The following MRPL37 variants were observed in gnomAD, a reference collection of about 807,000 sequenced individuals.
The protein encoded by MRPL37 is large ribosomal subunit protein mL37.
In MRPL37, 34 loss-of-function variants were observed where a neutral mutation model predicts 44.1. The ratio of observed to expected loss-of-function variants is 0.77; its 90% CI spans 0.59 to 1.03. The LOEUF (loss-of-function observed/expected upper bound fraction) is 1.03, where lower values mean the gene tolerates loss of function less well. Among genes scored for constraint, MRPL37 ranks in the 50% least tolerant of loss-of-function variants. The pLI, the probability that MRPL37 is intolerant of heterozygous loss-of-function variation, is 0.00. For synonymous variants in MRPL37, 212 were observed against 219.5 expected (o/e 0.97, Z 0.30); for missense variants, 532 against 543.7 (o/e 0.98, Z 0.21).
chr1:54,219,931 G>A (rs1406683159), downstream of MRPL37, among the ~76,000 whole-genome samples: 1 of 152,232 alleles, frequency 6.6e-6, no homozygotes, highest in African/African-American at 2.4e-5. Flanking sequence ...TCTGTTGATG[G>A]CAGTCCGGGT....
downstream of MRPL37, chr1:54,225,105 G>A: frequency 1.6e-6 from 2 of 1,234,294 alleles, no homozygotes; most frequent in Non-Finnish European, 2.0e-6. Flanking sequence ...GCACCAGGAG[G>A]AACCTTTTTC....
intron 4 of MRPL37, 28 bp downstream of exon 4, chr1:54,210,159 G>A: frequency 3.1e-6 from 5 of 1,602,756 alleles, no homozygotes; most frequent in Non-Finnish European, 4.3e-6. Context: ...GGACTTTTAG[G>A]CAGTGTGGAG....
intron 3 of MRPL37, among the ~76,000 whole-genome samples, chr1:54,207,780 A>C (rs1391681235): frequency 6.6e-6 from 1 of 152,234 alleles, no homozygotes; most frequent in Non-Finnish European, 1.5e-5. Context: ...GACAGATCAG[A>C]GTTTATCCAC....
At chr1:54,217,638 C>T (rs765022954) in intron 6 of MRPL37, among the ~76,000 whole-genome samples, 28 of 152,206 alleles carry the variant, frequency 1.8e-4, no homozygotes, top group Non-Finnish European at 4.1e-4. Context: ...ATTCTGCTCA[C>T]CCTTCCATGT....
downstream of MRPL37, among the ~76,000 whole-genome samples, chr1:54,221,498 C>G (rs1032024122): frequency 6.6e-6 from 1 of 152,196 alleles, no homozygotes; most frequent in African/African-American, 2.4e-5. Context: ...CTCCTCATAT[C>G]CAAAAACTGC....
intron 4 of MRPL37, 58 bp from the exon 5 acceptor site, chr1:54,212,443 G>A: frequency 1.9e-6 from 3 of 1,590,250 alleles, no homozygotes; most frequent in African/African-American, 1.3e-5. Context: ...CTTTCCTGAG[G>A]CTTTGTGGCA....
downstream of MRPL37, among the ~76,000 whole-genome samples, chr1:54,223,751 T>C (rs1000464287): frequency 6.6e-6 from 1 of 152,240 alleles, no homozygotes; most frequent in Admixed American, 6.5e-5. Context: ...CTCTCAGTGA[T>C]GGGCCGAAGC....
intron 5 of MRPL37, 38 bp from the exon 6 acceptor site, chr1:54,216,100 ACAG>A: frequency 6.2e-7 from 1 of 1,609,748 alleles, no homozygotes; most frequent in Non-Finnish European, 8.5e-7. Context: ...CTTACACTCC[ACAG>A]CTTCTGATTT....
chr1:54,202,840 T>C (rs1644094524), intron 1 of MRPL37, among the ~76,000 whole-genome samples: 1 of 152,210 alleles, frequency 6.6e-6, no homozygotes, highest in Admixed American at 6.5e-5. Context: ...AGAAGTGTTC[T>C]TCCAGCTGAG....
In MRPL37 at chr1:54,205,177, A is replaced by G; in HGVS notation, c.506A>G (p.Glu169Gly). The change falls in exon 2 of 7, where the codon GAA becomes GGA. Residue 169 changes from glutamate (E) to glycine (G), a missense_variant. Physicochemically the swap from Glu to Gly is moderately conservative, Grantham distance 98. Coordinates refer to ENST00000360840, the MANE Select transcript of MRPL37 (RefSeq NM_016491.4). ...GCCCGTCTCTGGCAGACCACTGAGG[A>G]AATCCCCAAGAGAGAGACCTACTGG... ...SHARLWQTTE[E>G]IPKRETYCPV... 1 of 1,614,012 alleles carries G rather than the reference A, an allele frequency of 6.2e-7. No individual in the cohort carries two copies. The highest frequency in any genetic ancestry group is 8.5e-7 in the Non-Finnish European group (1 of 1,179,910).
In MRPL37 at chr1:54,209,871, A is replaced by T. The variant is rs12081604; in HGVS notation, c.647-75A>T. 1,360 of 1,479,046 alleles carry T rather than the reference A, an allele frequency of 9.2e-4. 9 individuals are homozygous for T. The African/African-American group carries it at 0.017, about 19-fold the overall frequency. 91.6% of individuals were successfully genotyped at this position (1,479,046 alleles called of 1,614,324 possible). Reference sequence around the variant, plus strand: ...CTTGGCCTCCCAAAGTGCTGGGATTATAGGCATGAGCTACTGCGCCTAGCT... The same window carrying T: ...CTTGGCCTCCCAAAGTGCTGGGATTTTAGGCATGAGCTACTGCGCCTAGCT... On this transcript the variant is annotated intron_variant, in intron 3 of 6. Coordinates refer to ENST00000360840, the MANE Select transcript of MRPL37 (RefSeq NM_016491.4).
rs376543404 is a variant in MRPL37 at position 54,216,251 on chromosome 1, C to T, written c.1101C>T (p.Asn367=). 36 of 1,614,042 alleles carry T rather than the reference C, an allele frequency of 2.2e-5. No homozygotes were observed. The highest frequency in any genetic ancestry group is 4.0e-5 in the African/African-American group (3 of 74,924). Residue 367 remains asparagine, a synonymous_variant, in exon 6 of 7, where the codon AAC becomes AAT. Coordinates refer to ENST00000360840, the MANE Select transcript of MRPL37 (RefSeq NM_016491.4). ...TGAATACCACAGACCTGGACTGTAA[C>T]GAGGGTGTCAAGAATTTGGCCTGGG... The part of the protein sequence containing the change: ...FQLNTTDLDC[N]EGVKNLAWVD...
intron 3 of MRPL37, among the ~76,000 whole-genome samples, chr1:54,208,574 C>T (rs1406200347): frequency 1.9e-5 from 2 of 107,604 alleles, no homozygotes; most frequent in Admixed American, 9.3e-5. Flanking sequence ...AAAAAAGAAT[C>T]TCCTCTCTAA....
intron 6 of MRPL37, among the ~76,000 whole-genome samples, chr1:54,217,951 C>T (rs533845271): frequency 6.6e-6 from 1 of 152,306 alleles, no homozygotes; most frequent in African/African-American, 2.4e-5. Context: ...GCCTCGGGAG[C>T]AGAGCAGCGT....
intron 4 of MRPL37, among the ~76,000 whole-genome samples, chr1:54,211,213 G>A (rs904946616): frequency 1.3e-5 from 2 of 152,062 alleles, no homozygotes; most frequent in African/African-American, 2.4e-5. Flanking sequence ...CCTTCCGGCT[G>A]TCCTCCCACA....
downstream of MRPL37, chr1:54,218,450 C>T: frequency 7.5e-7 from 1 of 1,337,678 alleles, no homozygotes; most frequent in Non-Finnish European, 9.9e-7. Context: ...TGGAGCCTGA[C>T]CTGCCCCAGC....
chr1:54,217,170 AG>A (rs920030222), intron 6 of MRPL37, among the ~76,000 whole-genome samples: 20 of 152,266 alleles, frequency 1.3e-4, no homozygotes, highest in African/African-American at 4.6e-4. Context: ...CACAGGCCTG[AG>A]TGTGGGCTTG....
rs775903492 is a variant in MRPL37, at chr1:54,200,465, C to T, written c.222C>T (p.Ile74=). 7 of 1,614,262 alleles carry T rather than the reference C, an allele frequency of 4.3e-6. No homozygotes were observed. The highest frequency in any genetic ancestry group is 1.6e-4 in the Middle Eastern group (1 of 6,062). The part of the protein sequence containing the change: ...MHFVPWLARP[I]FPPWDRGYKD... ...TCGTGCCCTGGCTGGCGCGGCCGATCTTTCCGCCCTGGGACCGCGGCTACA... is the reference window on the plus strand; with the variant it reads ...TCGTGCCCTGGCTGGCGCGGCCGATTTTTCCGCCCTGGGACCGCGGCTACA... Residue 74 remains isoleucine (I), a synonymous_variant, in exon 1 of 7, where the codon ATC becomes ATT. Coordinates refer to ENST00000360840, the MANE Select transcript of MRPL37 (RefSeq NM_016491.4).
Position 54,218,178 on chromosome 1 carries a change from G to A in MRPL37, c.1201G>A (p.Val401Ile). The A allele has an allele frequency of 6.2e-7, 1 of 1,614,166 alleles. No individual in the cohort carries two copies. Among genetic ancestry groups the A allele is most frequent in the Non-Finnish European group, 8.5e-7 (1 of 1,179,972 alleles). ...VIKKRVVVEP[V>I]GPVGFKPETF... Reference sequence around the variant, plus strand: ...TGAACCGTGTTCTTTCCAGGAACCTGTTGGCCCAGTTGGTTTCAAGCCAGA... The same window carrying A: ...TGAACCGTGTTCTTTCCAGGAACCTATTGGCCCAGTTGGTTTCAAGCCAGA... Residue 401 changes from valine to isoleucine, a missense_variant, in exon 7 of 7, where the codon GTT (valine) becomes ATT (isoleucine). Val to Ile is a conservative substitution (Grantham distance 29). Transcript: ENST00000360840.
Sources: allele counts gnomAD v4.1 joint callset (sites outside exome capture counted in the v4.1 genomes callset), GRCh38; gene constraint gnomAD v4.1.1; transcripts MANE v1.5; gene names NCBI Gene and HGNC (gene_info 2026-07-23, HGNC 2026-07-21).